The following GRK5 variants were observed in gnomAD, a reference collection of about 807,000 sequenced individuals.
GRK5 encodes the protein G protein-coupled receptor kinase 5.
In GRK5, 40 loss-of-function variants were observed where a neutral mutation model predicts 78.4. The ratio of observed to expected loss-of-function variants is 0.51; its 90% confidence interval spans 0.40 to 0.66. GRK5 has a LOEUF of 0.66. GRK5 is among the 30% of genes least tolerant of loss of function. GRK5 has a pLI of 0.00. For missense variants in GRK5, 598 were observed against 759.9 expected (o/e 0.79, Z 2.50); for synonymous variants, 289 against 296.8 (o/e 0.97, Z 0.27).
At chr10:119,216,898 C>T (rs891525005) in intron 1 of GRK5, among the ~76,000 whole-genome samples, 3 of 151,678 alleles carry the variant, frequency 2.0e-5, no homozygotes, top group Admixed American at 1.3e-4. Context: ...CACTGCACTC[C>T]AGCCTGGGTA....
intron 3 of GRK5, among the ~76,000 whole-genome samples, chr10:119,385,747 G>T (rs1214325381): frequency 6.6e-6 from 1 of 152,216 alleles, no homozygotes; most frequent in African/African-American, 2.4e-5. Context: ...AAAATCAAGA[G>T]CTCCGTTTTA....
chr10:119,305,643 G>C (rs1287810486), intron 1 of GRK5, among the ~76,000 whole-genome samples: 1 of 152,184 alleles, frequency 6.6e-6, no homozygotes. Context: ...GGACTTGGCC[G>C]GGTGAAGTAG....
At chr10:119,236,903 A>C (rs1848942891) in intron 1 of GRK5, among the ~76,000 whole-genome samples, 1 of 151,928 alleles carries the variant, frequency 6.6e-6, no homozygotes, top group Non-Finnish European at 1.5e-5. Context: ...AAGTGCAGTT[A>C]AATATTGATT....
rs1010614930 is a variant in GRK5, at chr10:119,395,826, G to C, written c.262-869G>C. On this transcript the variant is annotated intron_variant, in intron 3 of 15. Transcript: ENST00000392870. ...GGAGAAGCCCTGCGCTTGGAGGTTC[G>C]AGTCCCAGCCCTGCCACCTCCCGCT... Among the ~76,000 whole-genome samples the C allele has an allele frequency of 2.0e-5, 3 of 152,056 alleles. No individual in the cohort carries two copies. The South Asian group carries it at 6.2e-4, about 32-fold the overall frequency.
At chr10:119,439,820 G>T in intron 10 of GRK5, 52 bp downstream of exon 10, 1 of 1,556,112 alleles carries the variant, frequency 6.4e-7, no homozygotes, top group Non-Finnish European at 8.9e-7. Flanking sequence ...CCCCAAGAAA[G>T]CAAAGGGCCT....
intron 1 of GRK5, among the ~76,000 whole-genome samples, chr10:119,251,374 T>G (rs1299102846): frequency 6.6e-6 from 1 of 152,256 alleles, no homozygotes; most frequent in Non-Finnish European, 1.5e-5. Context: ...GCTGGATGTT[T>G]ATGGCATCAC....
Position 119,422,502 on chromosome 10 carries a change from G to A in GRK5, c.340-664G>A, listed in dbSNP as rs567766087. On this transcript the variant is annotated intron_variant, in intron 4 of 15. Transcript: ENST00000392870. ...AGCAGTTAAGACCAAGGCCACAGCT[G>A]CGAGTCACAGATCTGGGATTCAAAC... Among the ~76,000 whole-genome samples, 45 of 152,300 alleles carry A rather than the reference G, an allele frequency of 3.0e-4. 1 individual carries two copies. In the South Asian group the frequency reaches 9.3e-3, roughly 32 times the overall value.
intron 4 of GRK5, among the ~76,000 whole-genome samples, chr10:119,417,402 C>T (rs1721974159): frequency 1.3e-5 from 2 of 152,212 alleles, no homozygotes; most frequent in Non-Finnish European, 2.9e-5. Context: ...GGCAGTTGAC[C>T]TGGGAGGGGT....
chr10:119,282,974 A>G (rs1403385362), intron 1 of GRK5, among the ~76,000 whole-genome samples: 1 of 152,136 alleles, frequency 6.6e-6, no homozygotes, highest in African/African-American at 2.4e-5. Context: ...TTACTGTGTC[A>G]CTGGGGCCTG....
intron 1 of GRK5, among the ~76,000 whole-genome samples, chr10:119,215,512 T>G (rs1372783937): frequency 1.4e-4 from 11 of 78,404 alleles, no homozygotes; most frequent in South Asian, 4.1e-4. Context: ...GTGCGGAGAG[T>G]GAGGAAGAGA....
intron 2 of GRK5, among the ~76,000 whole-genome samples, chr10:119,371,476 C>T (rs1851546678): frequency 6.6e-6 from 1 of 152,240 alleles, no homozygotes; most frequent in South Asian, 2.1e-4. Context: ...CTATCAATAT[C>T]ATTCCTGTTT....
chr10:119,425,483 T>C (rs1175280662), intron 6 of GRK5, among the ~76,000 whole-genome samples: 4 of 152,196 alleles, frequency 2.6e-5, no homozygotes, highest in Non-Finnish European at 4.4e-5. Flanking sequence ...CCCTAAATAA[T>C]AAATAGCTTT....
chr10:119,224,702 C>G (rs1299158618), intron 1 of GRK5, among the ~76,000 whole-genome samples: 1 of 152,216 alleles, frequency 6.6e-6, no homozygotes, highest in African/African-American at 2.4e-5. Flanking sequence ...GCGTGAGCCA[C>G]TGCGCCCAGC....
At chr10:119,393,327 G>T (rs546214498) in intron 3 of GRK5, among the ~76,000 whole-genome samples, 1 of 152,274 alleles carries the variant, frequency 6.6e-6, no homozygotes, top group Non-Finnish European at 1.5e-5. Context: ...CCCATCCACC[G>T]GCGGGGCCTC....
intron 4 of GRK5, among the ~76,000 whole-genome samples, chr10:119,400,572 C>T (rs889842812): frequency 6.6e-6 from 1 of 151,516 alleles, no homozygotes; most frequent in African/African-American, 2.4e-5. Flanking sequence ...GAAACCTTGG[C>T]ACAGAGGTAG....
At chr10:119,258,476 G>A (rs1849322283) in intron 1 of GRK5, among the ~76,000 whole-genome samples, 1 of 152,202 alleles carries the variant, frequency 6.6e-6, no homozygotes, top group African/African-American at 2.4e-5. Context: ...CATGGTAGGT[G>A]TATGTTTAAT....
chr10:119,394,169 A>G (rs1477292426), intron 3 of GRK5, among the ~76,000 whole-genome samples: 42 of 18,382 alleles, frequency 2.3e-3, no homozygotes, highest in Admixed American at 5.2e-3. Flanking sequence ...TGTGGGTTTG[A>G]GTGTGTGTGT....
intron 4 of GRK5, 122 bp from the exon 5 acceptor site, chr10:119,423,044 C>A (rs1246051138): frequency 1.4e-6 from 1 of 713,610 alleles, no homozygotes; most frequent in Non-Finnish European, 2.5e-6. Flanking sequence ...GGGGCACAGA[C>A]GGGCTGCCAG....
intron 1 of GRK5, among the ~76,000 whole-genome samples, chr10:119,281,659 C>G (rs1325029438): frequency 6.6e-6 from 1 of 152,202 alleles, no homozygotes; most frequent in Non-Finnish European, 1.5e-5. Context: ...GCAGGTTGCC[C>G]TGGGTTCCCG....
Sources: allele counts gnomAD v4.1 joint callset (sites outside exome capture counted in the v4.1 genomes callset), GRCh38; gene constraint gnomAD v4.1.1; transcripts MANE v1.5; gene names NCBI Gene and HGNC (gene_info 2026-07-23, HGNC 2026-07-21).